The following INTU variants were observed in gnomAD, a reference collection of about 807,000 sequenced individuals.
INTU encodes protein inturned.
Under a neutral mutation model 100.5 loss-of-function variants are expected in INTU, and 68 were observed. That is an observed-to-expected ratio of 0.68 (90% CI 0.56 to 0.83). The LOEUF (loss-of-function observed/expected upper bound fraction) is 0.83, where lower values mean the gene tolerates loss of function less well. INTU is among the 40% of genes least tolerant of loss of function. The pLI is 0.00. For missense variants in INTU, 1,071 were observed against 1,114.7 expected (o/e 0.96, Z 0.56); for synonymous variants, 357 against 395.7 (o/e 0.90, Z 1.16).
rs577487217 is a variant in INTU at position 127,706,410 on chromosome 4, A to G, written c.1789-77A>G. 3.8e-5 allele frequency: 48 copies of G among 1,254,886 alleles called. No individual in the cohort carries two copies. The South Asian group carries it at 4.0e-4, about 11-fold the overall frequency. The allele number at this position is 1,254,886 out of a possible 1,614,324, so 77.7% of individuals were successfully genotyped here. ...ATAGGCCTCTATGTCTTCGATATTT[A>G]TAAGTTTATACATGCACATTTTATG... On this transcript the variant is annotated intron_variant, in intron 11 of 15. Coordinates refer to ENST00000335251, the MANE Select transcript of INTU (RefSeq NM_015693.4).
At chr4:127,651,245 G>T (rs991947745) in intron 2 of INTU, among the ~76,000 whole-genome samples, 2 of 152,068 alleles carry the variant, frequency 1.3e-5, no homozygotes, top group African/African-American at 4.8e-5. Flanking sequence ...TGTCAATTTT[G>T]TCTTTTGTTG....
intron 6 of INTU, among the ~76,000 whole-genome samples, chr4:127,681,636 A>T (rs1342187549): frequency 2.0e-5 from 3 of 152,214 alleles, no homozygotes; most frequent in Non-Finnish European, 4.4e-5. Flanking sequence ...GGTAGACCTA[A>T]AACCATAAAA....
At chr4:127,681,940 G>T (rs60280153) in intron 6 of INTU, among the ~76,000 whole-genome samples, 3 of 151,776 alleles carry the variant, frequency 2.0e-5, no homozygotes, top group Non-Finnish European at 4.4e-5. Flanking sequence ...AAAAGTGGGC[G>T]AAGGACATGA....
Position 127,633,052 on chromosome 4 carries a change from G to A in INTU, c.18G>A (p.Ser6=). 1 of 1,613,370 alleles carries A rather than the reference G, an allele frequency of 6.2e-7. No individual in the cohort carries two copies. The highest frequency in any genetic ancestry group is 8.5e-7 in the Non-Finnish European group (1 of 1,179,382). Residue 6 remains serine (S), a synonymous_variant, in exon 1 of 16, where the codon TCG becomes TCA. Transcript: ENST00000335251. MASVA[S]CDSRPSSDEL... is the part of the protein sequence containing the mutation. The stretch of plus-strand genomic sequence containing the variant: ...TCCTGACGATGGCCTCTGTGGCTTC[G>A]TGCGATTCGCGTCCGAGCTCAGACG...
chr4:127,647,515 TC>T (rs1444744047), intron 2 of INTU, among the ~76,000 whole-genome samples: 1 of 152,160 alleles, frequency 6.6e-6, no homozygotes, highest in Non-Finnish European at 1.5e-5. Context: ...TGACGATCAT[TC>T]GGATAATCCA....
At chr4:127,678,195 G>C (rs1729327011) in intron 6 of INTU, among the ~76,000 whole-genome samples, 1 of 152,160 alleles carries the variant, frequency 6.6e-6, no homozygotes, top group Non-Finnish European at 1.5e-5. Flanking sequence ...TTATCCAGGA[G>C]AACTTCCCCA....
At chr4:127,658,497 G>C (rs772512398) in intron 3 of INTU, among the ~76,000 whole-genome samples, 17 of 152,208 alleles carry the variant, frequency 1.1e-4, no homozygotes, top group South Asian at 4.1e-4. Context: ...TTGATTAATA[G>C]TGAAGAATTG....
Position 127,689,024 on chromosome 4 carries a change from T to C in INTU, c.1449+1157T>C, listed in dbSNP as rs147914629. Among the ~76,000 whole-genome samples the C allele has an allele frequency of 6.2e-3, 855 of 137,886 alleles. 6 individuals are homozygous for C. The highest frequency in any genetic ancestry group is 0.02 in the Middle Eastern group (5 of 246). 90.5% of individuals were successfully genotyped at this position (137,886 alleles called of 152,430 possible). ...CAGGGTCTTGCTTTGTCACCCCAGC[T>C]GGAGTGGGAGTGCAGTGGCATGATC... On this transcript the variant is annotated intron_variant, in intron 8 of 15. Transcript: ENST00000335251.
intron 5 of INTU, among the ~76,000 whole-genome samples, chr4:127,672,482 T>G (rs1373377372): frequency 1.3e-5 from 2 of 150,408 alleles, no homozygotes; most frequent in Non-Finnish European, 3.0e-5. Flanking sequence ...TTTTTTTTTT[T>G]TGCCTTTATT....
chr4:127,715,389 C>G lies in INTU; in HGVS notation c.2718-936C>G, dbSNP rs114159895. 6.6e-3 allele frequency among the ~76,000 whole-genome samples: 1,001 copies of G among 152,238 alleles called. 12 individuals are homozygous for G. The highest frequency in any genetic ancestry group is 0.022 in the African/African-American group (932 of 41,550). ...ATGACAGACACTTTACAGACATTAT[C>G]CAAAGCAGAAATTCCCATGTGCTAG... On this transcript the variant is annotated intron_variant, in intron 15 of 15. Transcript: ENST00000335251.
At chr4:127,670,957 T>C (rs1356096937) in intron 5 of INTU, among the ~76,000 whole-genome samples, 1 of 151,974 alleles carries the variant, frequency 6.6e-6, no homozygotes, top group African/African-American at 2.4e-5. Context: ...TATACAAAAA[T>C]GAACTCAAGT....
chr4:127,640,558 T>C (rs1420888558), intron 1 of INTU, among the ~76,000 whole-genome samples: 5 of 58,034 alleles, frequency 8.6e-5, no homozygotes, highest in Admixed American at 2.1e-4. Flanking sequence ...TATATATATA[T>C]ATATATATAT....
At chr4:127,650,488 C>G (rs1315700184) in intron 2 of INTU, among the ~76,000 whole-genome samples, 5 of 151,066 alleles carry the variant, frequency 3.3e-5, no homozygotes, top group African/African-American at 1.2e-4. Flanking sequence ...GTTTTTTGTT[C>G]TTGCGATAGT....
chr4:127,716,483 C>T lies in INTU; in HGVS notation c.*47C>T. The T allele has an allele frequency of 2.4e-6, 2 of 817,154 alleles. No individual in the cohort carries two copies. 50.6% of individuals were successfully genotyped at this position (817,154 alleles called of 1,614,324 possible). ...AAACACGTGCATGGAGGATCAAACACTGTCAGAATTGCTGAAATCAATACA... is the reference window on the plus strand; with the variant it reads ...AAACACGTGCATGGAGGATCAAACATTGTCAGAATTGCTGAAATCAATACA... On this transcript the variant is annotated 3_prime_UTR_variant, in exon 16 of 16. Transcript: ENST00000335251.
intron 3 of INTU, among the ~76,000 whole-genome samples, chr4:127,662,593 G>A (rs1578561746): frequency 6.6e-6 from 1 of 152,042 alleles, no homozygotes; most frequent in Non-Finnish European, 1.5e-5. Flanking sequence ...TCATCCCTAA[G>A]TACTTTGAAA....
chr4:127,694,912 A>G (rs1197100700), intron 8 of INTU, among the ~76,000 whole-genome samples: 1 of 152,118 alleles, frequency 6.6e-6, no homozygotes, highest in African/African-American at 2.4e-5. Context: ...CTGTAGGTTT[A>G]TATTAAGTCT....
intron 1 of INTU, 78 bp downstream of exon 1, chr4:127,633,258 G>A: frequency 1.4e-6 from 2 of 1,450,374 alleles, no homozygotes; most frequent in South Asian, 2.6e-5. Flanking sequence ...GGAACTGCAA[G>A]GGTGTTGGCG....
rs1426636964 is a variant in INTU at position 127,673,980 on chromosome 4, T to G, written c.1092-144T>G. ...GCTGTCATATAATTCCTTGCGTTTT[T>G]TATGTGACAGGAATATGAAAAGAAA... is the stretch of plus-strand genomic sequence containing the variant. On this transcript the variant is annotated intron_variant, in intron 5 of 15. Transcript: ENST00000335251. The G allele has an allele frequency of 6.7e-5, 31 of 465,896 alleles. No individual in the cohort carries two copies. The East Asian group carries it at 1.1e-3, about 16-fold the overall frequency. 28.9% of individuals were successfully genotyped at this position (465,896 alleles called of 1,614,324 possible).
At chr4:127,663,733 G>A (rs1728579176) in intron 4 of INTU, 149 bp downstream of exon 4, 2 of 607,804 alleles carry the variant, frequency 3.3e-6, no homozygotes, top group South Asian at 4.3e-5. Flanking sequence ...CTTTAAAATT[G>A]TGTATCTAAT....
Sources: gnomAD v4.1 joint callset for allele counts (sites outside exome capture counted in the v4.1 genomes callset) on GRCh38, gnomAD v4.1.1 for gene constraint, MANE v1.5 for transcripts, NCBI Gene and HGNC (gene_info 2026-07-23, HGNC 2026-07-21) for gene names.